Variants in ERBB4 observed in about 807,000 individuals in gnomAD.
The protein encoded by ERBB4 is receptor tyrosine-protein kinase erbB-4.
A neutral mutation model predicts 158.0 loss-of-function variants in ERBB4; 42 were observed. That is an observed-to-expected ratio of 0.27 (90% CI 0.21 to 0.34). ERBB4 has a LOEUF of 0.34. Among genes scored for constraint, ERBB4 ranks in the 10% least tolerant of loss-of-function variants. The pLI, the probability that ERBB4 is intolerant of heterozygous loss-of-function variation, is 1.00. For missense variants in ERBB4, 1,333 were observed against 1,624.1 expected (o/e 0.82, Z 3.08); for synonymous variants, 583 against 558.7 (o/e 1.04, Z -0.61).
At chr2:212,128,576 A>G (rs1209056964) in intron 1 of ERBB4, among the ~76,000 whole-genome samples, 1 of 152,242 alleles carries the variant, frequency 6.6e-6, no homozygotes, top group East Asian at 1.9e-4. Context: ...TTGTCATATT[A>G]TCAATACCAT....
intron 16 of ERBB4, among the ~76,000 whole-genome samples, chr2:211,631,210 G>A (rs1231626552): frequency 6.6e-6 from 1 of 151,986 alleles, no homozygotes; most frequent in Non-Finnish European, 1.5e-5. Context: ...ATCACCCCCA[G>A]TTAGGAAGCA....
At chr2:212,203,006 T>C (rs1357446780) in intron 1 of ERBB4, among the ~76,000 whole-genome samples, 1 of 151,702 alleles carries the variant, frequency 6.6e-6, no homozygotes, top group Non-Finnish European at 1.5e-5. Flanking sequence ...TTTACATATA[T>C]GTATATATTA....
At chr2:212,339,412 T>A (rs999301399) in intron 1 of ERBB4, among the ~76,000 whole-genome samples, 2 of 152,210 alleles carry the variant, frequency 1.3e-5, no homozygotes, top group African/African-American at 4.8e-5. Flanking sequence ...TAGTAAATCA[T>A]ATACTCTTGG....
At chr2:211,805,473 A>G (rs2105900702) in intron 3 of ERBB4, among the ~76,000 whole-genome samples, 1 of 152,324 alleles carries the variant, frequency 6.6e-6, no homozygotes, top group African/African-American at 2.4e-5. Flanking sequence ...ATCTAAATAG[A>G]ACAAGGAGAG....
At chr2:211,503,232 C>G (rs538044355) in intron 20 of ERBB4, among the ~76,000 whole-genome samples, 12 of 152,226 alleles carry the variant, frequency 7.9e-5, no homozygotes, top group Non-Finnish European at 1.3e-4. Context: ...AGCTGGGCAG[C>G]TGCAGCAAAA....
At chr2:211,892,258 C>T (rs1414469458) in intron 3 of ERBB4, among the ~76,000 whole-genome samples, 167 of 63,296 alleles carry the variant, frequency 2.6e-3, no homozygotes, top group Middle Eastern at 4.8e-3. Context: ...TCAATATACG[C>T]AAATCAATAA....
intron 20 of ERBB4, among the ~76,000 whole-genome samples, chr2:211,501,329 A>G (rs529778978): frequency 6.6e-6 from 1 of 151,972 alleles, no homozygotes; most frequent in South Asian, 2.1e-4. Flanking sequence ...ATATTTCAAA[A>G]TAACTAGAGG....
chr2:211,870,159 T>G (rs189461959), intron 3 of ERBB4, among the ~76,000 whole-genome samples: 2 of 152,288 alleles, frequency 1.3e-5, no homozygotes, highest in East Asian at 3.9e-4. Context: ...AATTGTTCCA[T>G]TTAGCATTCC....
intron 5 of ERBB4, among the ~76,000 whole-genome samples, chr2:211,729,147 G>C (rs1256914086): frequency 6.6e-6 from 1 of 151,672 alleles, no homozygotes; most frequent in Admixed American, 6.6e-5. Flanking sequence ...TTTCCACATA[G>C]TATTCAAATA....
intron 1 of ERBB4, among the ~76,000 whole-genome samples, chr2:212,526,402 T>A (rs1262539785): frequency 6.6e-6 from 1 of 152,072 alleles, no homozygotes; most frequent in Non-Finnish European, 1.5e-5. Flanking sequence ...ATCTTGAAGC[T>A]TTTTATACTT....
chr2:212,341,964 A>G (rs917362056), intron 1 of ERBB4, among the ~76,000 whole-genome samples: 6 of 152,128 alleles, frequency 3.9e-5, no homozygotes, highest in Admixed American at 6.5e-5. Flanking sequence ...ATAGAAAACT[A>G]AAGTGGCTTG....
intron 19 of ERBB4, among the ~76,000 whole-genome samples, chr2:211,590,750 G>A (rs992759590): frequency 1.1e-4 from 16 of 152,092 alleles, no homozygotes; most frequent in African/African-American, 3.1e-4. Flanking sequence ...TGTCTATTGC[G>A]ATTCCCCTGT....
chr2:211,720,277 A>G (rs1482643406), intron 7 of ERBB4, among the ~76,000 whole-genome samples: 4 of 152,220 alleles, frequency 2.6e-5, no homozygotes, highest in Non-Finnish European at 5.9e-5. Context: ...CAGCCCAGTC[A>G]TTCTGTCTTT....
In ERBB4 at chr2:212,198,904, T is replaced by G. The variant is rs531278106; in HGVS notation, c.83-74001A>C. On this transcript the variant is annotated intron_variant, in intron 1 of 27. Transcript: ENST00000342788. ...AGCCTATAACACATTTTTTATCCCT[T>G]CATCTGTTGATGTTTATTGGGATTG... 7.2e-5 allele frequency among the ~76,000 whole-genome samples: 11 copies of G among 152,140 alleles called. No individual in the cohort carries two copies. In the South Asian group the frequency reaches 2.3e-3, roughly 32 times the overall value.
At chr2:212,188,035 T>C (rs748636669) in intron 1 of ERBB4, among the ~76,000 whole-genome samples, 5 of 152,208 alleles carry the variant, frequency 3.3e-5, no homozygotes, top group East Asian at 1.9e-4. Context: ...ACGTTCAAAT[T>C]TGAATTTAGC....
intron 1 of ERBB4, among the ~76,000 whole-genome samples, chr2:212,322,272 C>T (rs2087601208): frequency 6.7e-6 from 1 of 150,324 alleles, no homozygotes; most frequent in South Asian, 2.1e-4. Context: ...CCAACTTGAT[C>T]TCTCTTTTCC....
At chr2:212,444,858 T>A (rs138061500) in intron 1 of ERBB4, among the ~76,000 whole-genome samples, 2 of 151,956 alleles carry the variant, frequency 1.3e-5, no homozygotes, top group African/African-American at 2.4e-5. Context: ...GTTGATTATA[T>A]TGGACCTCTT....
At chr2:211,720,872 T>A (rs1405794637) in intron 7 of ERBB4, among the ~76,000 whole-genome samples, 1 of 152,216 alleles carries the variant, frequency 6.6e-6, no homozygotes, top group African/African-American at 2.4e-5. Flanking sequence ...AAGCTACACA[T>A]AAACATAAAT....
chr2:211,676,480 GTGT>G (rs2072075772), intron 13 of ERBB4, among the ~76,000 whole-genome samples: 1 of 151,926 alleles, frequency 6.6e-6, no homozygotes, highest in South Asian at 2.1e-4. Flanking sequence ...ATAGAAACTG[GTGT>G]ATACATACAC....
Sources: allele counts gnomAD v4.1 joint callset (sites outside exome capture counted in the v4.1 genomes callset), GRCh38; gene constraint gnomAD v4.1.1; transcripts MANE v1.5; gene names NCBI Gene and HGNC (gene_info 2026-07-23, HGNC 2026-07-21).